Variants in FGD3 observed in about 807,000 individuals in gnomAD.
FGD3 encodes FYVE, RhoGEF and PH domain-containing protein 3.
In FGD3, 45 loss-of-function variants were observed where a neutral mutation model predicts 71.8. The observed-to-expected ratio is 0.63, with a 90% CI of 0.49 to 0.80. The LOEUF (loss-of-function observed/expected upper bound fraction) is 0.80, where lower values mean the gene tolerates loss of function less well. Ranked by LOEUF, FGD3 falls within the 30% of genes least tolerant of loss-of-function variation. The probability of loss-of-function intolerance (pLI) is 0.00; values close to 1 mark genes in which losing one functional copy is unlikely to be tolerated. For missense variants in FGD3, 844 were observed against 951.5 expected, an observed-to-expected ratio of 0.89 and a Z score of 1.49; for synonymous variants, 378 against 392.8, an observed-to-expected ratio of 0.96 and a Z score of 0.44.
chr9:92,976,758 A>G (rs1360947956), intron 3 of FGD3, 49 bp downstream of exon 3: 1 of 1,495,304 alleles, frequency 6.7e-7, no homozygotes, highest in Non-Finnish European at 8.9e-7. Flanking sequence ...GCCTTTCCTT[A>G]GGAGGGGTTT....
intron 3 of FGD3, among the ~76,000 whole-genome samples, chr9:92,980,146 G>A (rs572419353): frequency 4.6e-5 from 7 of 151,744 alleles, no homozygotes; most frequent in African/African-American, 1.5e-4. Flanking sequence ...CCAGCCTCCC[G>A]AGTAGCTGAG....
intron 14 of FGD3, among the ~76,000 whole-genome samples, chr9:93,028,976 TTCCTCACATG>T (rs1862242318): frequency 6.9e-6 from 1 of 144,660 alleles, no homozygotes; most frequent in African/African-American, 2.5e-5. Context: ...TCTTCATGGC[TTCCTCACATG>T]TCCTCACAGT....
chr9:93,012,154 A>C (rs1245220861), intron 8 of FGD3, among the ~76,000 whole-genome samples: 1 of 42,738 alleles, frequency 2.3e-5, no homozygotes, highest in Non-Finnish European at 3.9e-5. Context: ...ACTCTGTCTC[A>C]AAAAAAAAAA....
intron 3 of FGD3, among the ~76,000 whole-genome samples, chr9:92,990,121 A>T (rs1860350002): frequency 6.6e-6 from 1 of 151,884 alleles, no homozygotes; most frequent in South Asian, 2.1e-4. Context: ...GAGTTTTGTG[A>T]TACAATATAG....
At chr9:92,955,708 C>T (rs989389025) in intron 1 of FGD3, among the ~76,000 whole-genome samples, 4 of 152,106 alleles carry the variant, frequency 2.6e-5, no homozygotes, top group Non-Finnish European at 5.9e-5. Flanking sequence ...CAGGGAGCCT[C>T]CTGTGGCCCT....
chr9:92,957,636 G>GT (rs1391246109), intron 1 of FGD3, among the ~76,000 whole-genome samples: 1 of 128,680 alleles, frequency 7.8e-6, no homozygotes, highest in Non-Finnish European at 1.7e-5. Context: ...TATTGCAAAT[G>GT]TTTTCTCCCA....
At chr9:93,029,001 T>G (rs1453711941) in intron 14 of FGD3, among the ~76,000 whole-genome samples, 17 of 27,764 alleles carry the variant, frequency 6.1e-4, no homozygotes, top group African/African-American at 1.9e-3. Flanking sequence ...CACAGTTTTT[T>G]TTTTTTTTTT....
intron 3 of FGD3, among the ~76,000 whole-genome samples, chr9:92,978,390 GCTGA>G (rs1859849220): frequency 2.0e-5 from 3 of 151,104 alleles, no homozygotes; most frequent in East Asian, 1.9e-4. Flanking sequence ...TCCACCAGAT[GCTGA>G]CTGACACTCC....
chr9:93,035,159 C>T (rs1468640285), intron 17 of FGD3, among the ~76,000 whole-genome samples, 179 bp from the exon 18 acceptor site: 1 of 152,212 alleles, frequency 6.6e-6, no homozygotes, highest in East Asian at 1.9e-4. Flanking sequence ...GATGCCCCCA[C>T]CGACCGTCCT....
chr9:93,014,076 C>A, intron 9 of FGD3, 78 bp downstream of exon 9: 4 of 1,492,616 alleles, frequency 2.7e-6, no homozygotes, highest in East Asian at 4.8e-5. Context: ...GCCAGGAGGG[C>A]TCTGGCTGCC....
chr9:92,976,101 C>T (rs10992561), intron 2 of FGD3, 107 bp from the exon 3 acceptor site: 10 of 647,816 alleles, frequency 1.5e-5, no homozygotes, highest in Admixed American at 3.0e-5. Context: ...TCCAGGCTTT[C>T]GGTGGGGGGC....
chr9:93,019,742 C>A, intron 11 of FGD3, 89 bp from the exon 12 acceptor site: 1 of 1,265,120 alleles, frequency 7.9e-7, no homozygotes. Context: ...CAGTGCGTGG[C>A]TCGGGTGTGC....
At chr9:93,032,706 G>A in intron 15 of FGD3, 63 bp from the exon 16 acceptor site, 2 of 1,507,124 alleles carry the variant, frequency 1.3e-6, no homozygotes, top group East Asian at 4.5e-5. Flanking sequence ...ACCTCCTCTG[G>A]CATCTTCCTG....
intron 3 of FGD3, among the ~76,000 whole-genome samples, chr9:93,001,676 CTG>C: frequency 6.6e-6 from 1 of 152,202 alleles, no homozygotes. Flanking sequence ...CTCCTACTGA[CTG>C]TGTTTTATTT....
intron 11 of FGD3, 135 bp downstream of exon 11, chr9:93,018,350 C>T (rs756908154): frequency 4.8e-4 from 369 of 762,942 alleles, no homozygotes; most frequent in Non-Finnish European, 4.6e-4. Context: ...ACCAGGGTTC[C>T]GTCTATGTCC....
At chr9:93,010,941 A>G (rs974362473) in intron 7 of FGD3, among the ~76,000 whole-genome samples, 4 of 151,732 alleles carry the variant, frequency 2.6e-5, no homozygotes, top group Admixed American at 2.6e-4. Flanking sequence ...AAGGGCAGCA[A>G]CTGGTGTGGC....
intron 8 of FGD3, among the ~76,000 whole-genome samples, chr9:93,012,019 T>C (rs1193848387): frequency 6.6e-6 from 1 of 151,458 alleles, no homozygotes; most frequent in African/African-American, 2.4e-5. Context: ...TTGGGCATGG[T>C]GGCAGGCGAC....
rs528302940 is a variant in FGD3, at chr9:92,982,570, T to TA, written c.453+5861_453+5862insA. On this transcript the variant is annotated intron_variant, in intron 3 of 17. Transcript: ENST00000375482. ...TTTTAAAAAGAATGTATTCATTCAT[T>TA]TTTTTTTTTTGGAGACAGAGTCTTG... Among the ~76,000 whole-genome samples, 110 of 150,526 alleles carry TA rather than the reference T, an allele frequency of 7.3e-4. 1 individual carries two copies. The highest frequency in any genetic ancestry group is 2.6e-3 in the African/African-American group (106 of 41,152).
intron 1 of FGD3, among the ~76,000 whole-genome samples, chr9:92,961,828 A>G (rs564272132): frequency 7.0e-4 from 106 of 152,342 alleles, no homozygotes; most frequent in Non-Finnish European, 1.2e-3. Context: ...GCCTCTCTGC[A>G]GGGCTGCTTG....
Sources: gnomAD v4.1 joint callset for allele counts (sites outside exome capture counted in the v4.1 genomes callset) on GRCh38, gnomAD v4.1.1 for gene constraint, MANE v1.5 for transcripts, NCBI Gene and HGNC (gene_info 2026-07-23, HGNC 2026-07-21) for gene names.